ETNK1: variants seen among roughly 807,000 people sequenced by gnomAD.
ETNK1 encodes putative protein product of Nbla10396.
A neutral mutation model predicts 45.1 loss-of-function variants in ETNK1; 8 were observed. The ratio of observed to expected loss-of-function variants is 0.18; its 90% CI spans 0.10 to 0.32. The LOEUF (loss-of-function observed/expected upper bound fraction) is 0.32, where lower values mean the gene tolerates loss of function less well. ETNK1 is among the 10% of genes least tolerant of loss of function. The probability of loss-of-function intolerance (pLI) is 1.00; values close to 1 mark genes in which losing one functional copy is unlikely to be tolerated. For missense variants in ETNK1, 302 were observed against 430.6 expected (o/e 0.70, Z 2.64); for synonymous variants, 152 against 151.9 (o/e 1.00, Z -0.01).
intron 3 of ETNK1, among the ~76,000 whole-genome samples, chr12:22,659,803 C>G (rs1953980947): frequency 6.6e-6 from 1 of 151,966 alleles, no homozygotes; most frequent in African/African-American, 2.4e-5. Flanking sequence ...CCTAGGCTCT[C>G]CAAGGTATAC....
chr12:22,671,073 C>T, intron 4 of ETNK1, 199 bp from the exon 5 acceptor site: 1 of 503,688 alleles, frequency 2.0e-6, no homozygotes, highest in Non-Finnish European at 3.4e-6. Context: ...AAGCTGTTGA[C>T]CAAGAGACAT....
At chr12:22,684,247 T>C (rs1395622088) in intron 6 of ETNK1, among the ~76,000 whole-genome samples, 2 of 152,270 alleles carry the variant, frequency 1.3e-5, no homozygotes, top group African/African-American at 2.4e-5. Context: ...AACTGGCCTC[T>C]ATTTTTCAAG....
chr12:22,648,826 T>C (rs1953839310), intron 2 of ETNK1, among the ~76,000 whole-genome samples: 1 of 152,120 alleles, frequency 6.6e-6, no homozygotes. Context: ...TGTGCTATTT[T>C]ACATTTCCAC....
At chr12:22,639,226 A>AT (rs1218548084) in intron 1 of ETNK1, among the ~76,000 whole-genome samples, 1 of 151,788 alleles carries the variant, frequency 6.6e-6, no homozygotes, top group Non-Finnish European at 1.5e-5. Flanking sequence ...TAATTAATTT[A>AT]TTTTTTTAGA....
At chr12:22,679,577 A>G (rs1954193471) in intron 6 of ETNK1, among the ~76,000 whole-genome samples, 2 of 152,130 alleles carry the variant, frequency 1.3e-5, no homozygotes, top group Admixed American at 1.3e-4. Flanking sequence ...AATCAAGTTG[A>G]CACCTAACAT....
chr12:22,673,478 T>G, intron 5 of ETNK1, 22 bp from the exon 6 acceptor site: 1 of 1,536,626 alleles, frequency 6.5e-7, no homozygotes, highest in Non-Finnish European at 8.8e-7. Context: ...AATTTTTGAG[T>G]GTAGTTTTTT....
At chr12:22,646,891 AT>A (rs1044896818) in intron 2 of ETNK1, among the ~76,000 whole-genome samples, 1 of 151,820 alleles carries the variant, frequency 6.6e-6, no homozygotes, top group Admixed American at 6.6e-5. Flanking sequence ...TAACCTAAAT[AT>A]TGTACAAAGA....
chr12:22,679,530 A>ACAATACT (rs1366429150), intron 6 of ETNK1, among the ~76,000 whole-genome samples: 1 of 152,104 alleles, frequency 6.6e-6, no homozygotes, highest in Non-Finnish European at 1.5e-5. Context: ...ACACCCAGAA[A>ACAATACT]CAATACTTTC....
intron 6 of ETNK1, among the ~76,000 whole-genome samples, chr12:22,681,388 T>C (rs1380553235): frequency 2.6e-5 from 4 of 152,026 alleles, no homozygotes. Context: ...GAATGACTCT[T>C]GATTTCTCAG....
chr12:22,658,322 T>G (rs956536318), intron 2 of ETNK1, among the ~76,000 whole-genome samples: 1 of 152,000 alleles, frequency 6.6e-6, no homozygotes, highest in African/African-American at 2.4e-5. Flanking sequence ...TTTCAGAGAG[T>G]ACACTCAAAA....
intron 6 of ETNK1, among the ~76,000 whole-genome samples, chr12:22,677,666 C>T (rs1442582866): frequency 6.6e-6 from 1 of 151,976 alleles, no homozygotes; most frequent in Admixed American, 6.6e-5. Context: ...TCCATTTGTG[C>T]ATGTCCTCTT....
chr12:22,626,612 A>T (rs995172459), intron 1 of ETNK1, among the ~76,000 whole-genome samples: 13 of 152,316 alleles, frequency 8.5e-5, no homozygotes, highest in African/African-American at 2.9e-4. Context: ...CCACACAAAG[A>T]TGAATAAAAC....
intron 4 of ETNK1, among the ~76,000 whole-genome samples, chr12:22,670,388 T>C (rs1395711788): frequency 6.6e-6 from 1 of 152,022 alleles, no homozygotes; most frequent in Admixed American, 6.5e-5. Context: ...TTTTTTAAGG[T>C]TTCTCTCTCT....
At chr12:22,663,336 C>G (rs1033075240) in intron 4 of ETNK1, among the ~76,000 whole-genome samples, 1 of 152,120 alleles carries the variant, frequency 6.6e-6, no homozygotes, top group African/African-American at 2.4e-5. Flanking sequence ...TTGAAGTGGA[C>G]ACTCAGCTTT....
chr12:22,680,666 TAAAAA>T (rs778313721), intron 6 of ETNK1, among the ~76,000 whole-genome samples: 3 of 152,142 alleles, frequency 2.0e-5, no homozygotes, highest in Admixed American at 1.3e-4. Flanking sequence ...GCTGCTTTGA[TAAAAA>T]GAAAAGCAGG....
chr12:22,660,321 C>T (rs1021192291), intron 3 of ETNK1, among the ~76,000 whole-genome samples: 1 of 152,096 alleles, frequency 6.6e-6, no homozygotes, highest in African/African-American at 2.4e-5. Flanking sequence ...TTTTGTAAGC[C>T]TGATTGGTGC....
Position 22,626,658 on chromosome 12 carries a change from A to G in ETNK1, c.156+1072A>G, listed in dbSNP as rs189961718. Among the ~76,000 whole-genome samples, 20 of 152,336 alleles carry G rather than the reference A, an allele frequency of 1.3e-4. No individual in the cohort carries two copies. The East Asian group carries it at 3.9e-3, about 29-fold the overall frequency. On this transcript the variant is annotated intron_variant, in intron 1 of 7. Transcript: ENST00000266517. ...CCTAGGGCCCAGAACAGTTCCTGACACTTGGGTTTTCATGTGTTAGTTTCA... is the reference window on the plus strand; with the variant it reads ...CCTAGGGCCCAGAACAGTTCCTGACGCTTGGGTTTTCATGTGTTAGTTTCA...
chr12:22,625,291 C>T lies in ETNK1; in HGVS notation c.-140C>T. On this transcript the variant is annotated 5_prime_UTR_variant, in exon 1 of 8. Transcript: ENST00000266517. ...GCCGCCTCCAGACGTTCTCCTGCCG[C>T]TCGCCCGCCCGTCCCAGCGCCCCCA... The T allele has an allele frequency of 6.2e-7, 1 of 1,607,752 alleles. No individual in the cohort carries two copies. The highest frequency in any genetic ancestry group is 8.5e-7 in the Non-Finnish European group (1 of 1,177,900).
At chr12:22,669,124 T>TTA (rs1954081456) in intron 4 of ETNK1, among the ~76,000 whole-genome samples, 1 of 152,182 alleles carries the variant, frequency 6.6e-6, no homozygotes, top group Non-Finnish European at 1.5e-5. Context: ...AAATTATATA[T>TTA]TAAAACTGTT....
Sources: gnomAD v4.1 joint callset for allele counts (sites outside exome capture counted in the v4.1 genomes callset) on GRCh38, gnomAD v4.1.1 for gene constraint, MANE v1.5 for transcripts, NCBI Gene and HGNC (gene_info 2026-07-23, HGNC 2026-07-21) for gene names.